Variants in LRRTM4 observed in about 807,000 individuals in gnomAD.
LRRTM4 encodes the protein leucine-rich repeat transmembrane neuronal protein 4.
LRRTM4 carries 25 observed loss-of-function variants against 47.6 expected under a neutral mutation model. That is an observed-to-expected ratio of 0.53 (90% confidence interval 0.38 to 0.73). The LOEUF (loss-of-function observed/expected upper bound fraction) is 0.73. Ranked by LOEUF, LRRTM4 falls within the 30% of genes least tolerant of loss-of-function variation. The probability of loss-of-function intolerance (pLI) is 0.00; values close to 1 mark genes in which losing one functional copy is unlikely to be tolerated. For synonymous variants in LRRTM4, 311 were observed against 269.5 expected, an observed-to-expected ratio of 1.15 and a Z score of -1.51; for missense variants, 638 against 713.4, an observed-to-expected ratio of 0.89 and a Z score of 1.20.
At chr2:77,378,157 T>A (rs1672908188) in intron 3 of LRRTM4, among the ~76,000 whole-genome samples, 1 of 151,980 alleles carries the variant, frequency 6.6e-6, no homozygotes, top group African/African-American at 2.4e-5. Context: ...GAAATTTCAA[T>A]CTTTTTTTTC....
chr2:77,090,997 G>A (rs1194381747), intron 3 of LRRTM4, among the ~76,000 whole-genome samples: 1 of 151,924 alleles, frequency 6.6e-6, no homozygotes, highest in Admixed American at 6.6e-5. Flanking sequence ...TGTTTCCCTT[G>A]CCTCCAGAAC....
chr2:77,070,041 A>G (rs1364190330), intron 3 of LRRTM4, among the ~76,000 whole-genome samples: 2 of 151,996 alleles, frequency 1.3e-5, no homozygotes, highest in African/African-American at 4.8e-5. Context: ...AGTACTGCAC[A>G]GATCAGATTA....
intron 3 of LRRTM4, among the ~76,000 whole-genome samples, chr2:76,908,787 G>A (rs185090367): frequency 2.6e-5 from 4 of 151,870 alleles, no homozygotes; most frequent in Non-Finnish European, 1.5e-5. Context: ...ACCTTACAAG[G>A]GATGTGAAGG....
chr2:76,822,906 A>G (rs1671093234), intron 3 of LRRTM4, among the ~76,000 whole-genome samples: 1 of 151,468 alleles, frequency 6.6e-6, no homozygotes, highest in Non-Finnish European at 1.5e-5. Flanking sequence ...TTACCCATAT[A>G]AAAGTAATAA....
rs1369797225 is a variant in LRRTM4, at chr2:77,192,591, T to A, written c.1551+325727A>T. Among the ~76,000 whole-genome samples the A allele has an allele frequency of 4.8e-5, 6 of 124,310 alleles. No homozygotes were observed. The East Asian group carries it at 1.4e-3, about 28-fold the overall frequency. 81.6% of individuals were successfully genotyped at this position (124,310 alleles called of 152,430 possible). A position where few individuals can be genotyped will look rare whatever the true frequency, so the allele number is the denominator to read the frequency against. ...TTTTAAAGTAACCACACTAAACCTA[T>A]TTTTTTGGTAAATCATTCCAAATAA... is the stretch of plus-strand genomic sequence containing the variant. On this transcript the variant is annotated intron_variant, in intron 3 of 3. Coordinates refer to ENST00000409884, the MANE Select transcript of LRRTM4 (RefSeq NM_001134745.3).
intron 3 of LRRTM4, among the ~76,000 whole-genome samples, chr2:77,366,258 C>T (rs986382032): frequency 2.0e-5 from 3 of 151,876 alleles, no homozygotes; most frequent in Non-Finnish European, 2.9e-5. Flanking sequence ...CAATACTCCA[C>T]TTAATTTCCT....
intron 3 of LRRTM4, among the ~76,000 whole-genome samples, chr2:77,031,213 T>G (rs1678643733): frequency 1.3e-5 from 2 of 152,216 alleles, no homozygotes; most frequent in Non-Finnish European, 2.9e-5. Flanking sequence ...GCCAAATATT[T>G]GTGTTTTTAA....
At chr2:77,071,520 C>T (rs1051823798) in intron 3 of LRRTM4, among the ~76,000 whole-genome samples, 2 of 151,962 alleles carry the variant, frequency 1.3e-5, no homozygotes, top group Non-Finnish European at 2.9e-5. Context: ...GAATCTTGCT[C>T]CTGAATTCTT....
At chr2:77,033,079 G>C (rs1002793612) in intron 3 of LRRTM4, among the ~76,000 whole-genome samples, 2 of 152,010 alleles carry the variant, frequency 1.3e-5, no homozygotes, top group African/African-American at 4.8e-5. Flanking sequence ...ATGTTTTAAA[G>C]TTGAAAAATA....
intron 3 of LRRTM4, among the ~76,000 whole-genome samples, chr2:76,868,041 C>T (rs1054903484): frequency 3.3e-5 from 5 of 152,136 alleles, no homozygotes; most frequent in African/African-American, 1.2e-4. Context: ...GCTGTGGAGA[C>T]ATTTCCTGTT....
intron 3 of LRRTM4, among the ~76,000 whole-genome samples, chr2:77,351,285 A>AC (rs1671760872): frequency 6.6e-6 from 1 of 151,890 alleles, no homozygotes; most frequent in African/African-American, 2.4e-5. Context: ...AAAAAAAAAA[A>AC]CACATAAAAT....
In LRRTM4 at chr2:77,374,546, A is replaced by G. The variant is rs1672761665; in HGVS notation, c.1551+143772T>C. On this transcript the variant is annotated intron_variant, in intron 3 of 3. Coordinates refer to ENST00000409884, the MANE Select transcript of LRRTM4 (RefSeq NM_001134745.3). ...TTTTCATCATCTCTTCTAATATGGA[A>G]CTAGATGGTAATTCTAGACTTTACA... 4.6e-5 allele frequency among the ~76,000 whole-genome samples: 7 copies of G among 151,810 alleles called. No individual in the cohort carries two copies. The Admixed American group carries it at 4.6e-4, about 10-fold the overall frequency.
At chr2:76,850,975 C>A (rs4340548) in intron 3 of LRRTM4, among the ~76,000 whole-genome samples, 6 of 151,990 alleles carry the variant, frequency 3.9e-5, no homozygotes, top group Non-Finnish European at 7.4e-5. Flanking sequence ...TAAGTCTACA[C>A]ATATTTAATC....
chr2:76,828,916 T>C (rs1360585316), intron 3 of LRRTM4, among the ~76,000 whole-genome samples: 1 of 151,954 alleles, frequency 6.6e-6, no homozygotes, highest in African/African-American at 2.4e-5. Context: ...AATCAGAAAT[T>C]AGGCCTTGAC....
intron 3 of LRRTM4, among the ~76,000 whole-genome samples, chr2:76,795,596 C>CATATATAT (rs1376281533): frequency 2.7e-5 from 2 of 73,288 alleles, no homozygotes; most frequent in Non-Finnish European, 5.7e-5. Flanking sequence ...CACACATACA[C>CATATATAT]ACACACTACA....
intron 3 of LRRTM4, among the ~76,000 whole-genome samples, chr2:77,291,736 A>C (rs894200485): frequency 6.6e-6 from 1 of 152,090 alleles, no homozygotes; most frequent in Non-Finnish European, 1.5e-5. Flanking sequence ...ACCTATTATT[A>C]TGTTTTTATT....
At chr2:77,229,493 A>G (rs748397965) in intron 3 of LRRTM4, among the ~76,000 whole-genome samples, 3 of 152,138 alleles carry the variant, frequency 2.0e-5, no homozygotes, top group Non-Finnish European at 2.9e-5. Flanking sequence ...GTTGCGTCTC[A>G]AGTCTTTCCA....
At chr2:76,920,335 A>T (rs986972331) in intron 3 of LRRTM4, among the ~76,000 whole-genome samples, 1 of 152,196 alleles carries the variant, frequency 6.6e-6, no homozygotes, top group Non-Finnish European at 1.5e-5. Flanking sequence ...GCTTTCCAGT[A>T]GTTCCTTCTG....
intron 3 of LRRTM4, among the ~76,000 whole-genome samples, chr2:77,322,826 ACTCT>A (rs61495510): frequency 1.7e-3 from 224 of 133,104 alleles, no homozygotes; most frequent in African/African-American, 5.3e-3. Flanking sequence ...AACTACATAA[ACTCT>A]CTCTCTCTCT....
Sources: gnomAD v4.1 joint callset for allele counts (sites outside exome capture counted in the v4.1 genomes callset) on GRCh38, gnomAD v4.1.1 for gene constraint, MANE v1.5 for transcripts, NCBI Gene and HGNC (gene_info 2026-07-23, HGNC 2026-07-21) for gene names.